The following WASHC3 variants were observed in gnomAD, a reference collection of about 807,000 sequenced individuals.
WASHC3 encodes WASH complex subunit CCDC53.
A neutral mutation model predicts 26.1 loss-of-function variants in WASHC3; 24 were observed. The ratio of observed to expected loss-of-function variants is 0.92; its 90% confidence interval spans 0.66 to 1.29. The LOEUF is 1.29. WASHC3 is among the 50% of genes most tolerant of loss of function. The pLI, the probability that WASHC3 is intolerant of heterozygous loss-of-function variation, is 0.00. For synonymous variants in WASHC3, 77 were observed against 75.7 expected, an observed-to-expected ratio of 1.02 and a Z score of -0.09; for missense variants, 214 against 229.6, an observed-to-expected ratio of 0.93 and a Z score of 0.44.
chr12:102,028,613 A>G (rs1176296277), intron 5 of WASHC3, among the ~76,000 whole-genome samples: 4 of 152,006 alleles, frequency 2.6e-5, no homozygotes, highest in African/African-American at 9.7e-5. Flanking sequence ...AAAATTTCCT[A>G]AAATATAGCA....
chr12:102,042,538 C>T lies in WASHC3; in HGVS notation c.324+1567G>A, dbSNP rs573051989. On this transcript the variant is annotated intron_variant, in intron 4 of 6. Transcript: ENST00000240079. ...AAATTCTAGCTCTTACGTTACTTTT[C>T]GACCTTCAGCAAGTTACTTAACCTC... Among the ~76,000 whole-genome samples the T allele has an allele frequency of 1.3e-4, 20 of 152,274 alleles. No individual in the cohort carries two copies. In the South Asian group the frequency reaches 2.7e-3, roughly 20 times the overall value.
chr12:102,032,370 T>C (rs116209750), intron 5 of WASHC3, among the ~76,000 whole-genome samples: 2,004 of 152,256 alleles, frequency 0.013, 33 homozygotes, highest in African/African-American at 0.045. Context: ...GCACAATTTA[T>C]TACTGGCAGA....
chr12:102,050,197 C>G, intron 2 of WASHC3: 1 of 390,034 alleles, frequency 2.6e-6, no homozygotes. Context: ...ACCTGTAGTT[C>G]CAGCTACTTG....
intron 5 of WASHC3, among the ~76,000 whole-genome samples, chr12:102,035,280 T>A (rs1358481330): frequency 6.6e-6 from 1 of 152,140 alleles, no homozygotes; most frequent in East Asian, 1.9e-4. Flanking sequence ...CATGCAACTA[T>A]TTGCGCCTAA....
intron 3 of WASHC3, 46 bp from the exon 4 acceptor site, chr12:102,044,258 T>G: frequency 1.1e-6 from 1 of 901,490 alleles, no homozygotes; most frequent in Non-Finnish European, 1.7e-6. Flanking sequence ...AGTACTTGCA[T>G]AAATAAACAC....
At chr12:102,047,031 T>C (rs1878195401) in intron 2 of WASHC3, among the ~76,000 whole-genome samples, 1 of 152,144 alleles carries the variant, frequency 6.6e-6, no homozygotes, top group African/African-American at 2.4e-5. Context: ...ATAAACCAGA[T>C]AGAAGAGCTT....
intron 2 of WASHC3, among the ~76,000 whole-genome samples, chr12:102,047,244 T>A (rs1012182291): frequency 3.3e-5 from 5 of 152,186 alleles, no homozygotes; most frequent in African/African-American, 9.7e-5. Context: ...CACAGCATCC[T>A]GATTGTATTC....
intron 2 of WASHC3, chr12:102,050,180 G>A: frequency 2.8e-6 from 1 of 359,110 alleles, no homozygotes; most frequent in Non-Finnish European, 5.5e-6. Flanking sequence ...CAGGTGTGGT[G>A]GCACGCACCT....
intron 2 of WASHC3, among the ~76,000 whole-genome samples, chr12:102,047,480 C>G (rs1006038492): frequency 1.3e-5 from 2 of 152,094 alleles, no homozygotes; most frequent in Admixed American, 1.3e-4. Flanking sequence ...TAAGTTTACC[C>G]TTGACTTCTA....
At chr12:102,027,420 T>C (rs1456864737) in intron 5 of WASHC3, among the ~76,000 whole-genome samples, 1 of 152,204 alleles carries the variant, frequency 6.6e-6, no homozygotes, top group African/African-American at 2.4e-5. Flanking sequence ...GGCATGCATA[T>C]GTACAAACGT....
chr12:102,024,241 A>G (rs1250036110), intron 6 of WASHC3, among the ~76,000 whole-genome samples: 1 of 152,202 alleles, frequency 6.6e-6, no homozygotes, highest in East Asian at 1.9e-4. Flanking sequence ...AAGATGTTAG[A>G]CTACACGTTG....
chr12:102,033,668 G>T (rs944671030), intron 5 of WASHC3, among the ~76,000 whole-genome samples: 3 of 151,570 alleles, frequency 2.0e-5, no homozygotes, highest in Non-Finnish European at 2.9e-5. Flanking sequence ...TTATTCTTAA[G>T]ATCTTAGGAT....
Position 102,044,143 on chromosome 12 carries a change from T to C in WASHC3, c.286A>G (p.Asn96Asp). The change falls in exon 4 of 7, where the codon AAT (asparagine) becomes GAT (aspartate). Residue 96 changes from asparagine to aspartate, a missense_variant. Transcript: ENST00000240079. ...GAAGTGGCTTCAGGATGTGCTCCATTTGTGACACTGGTGACATTTAAAGGA... is the reference window on the plus strand; with the variant it reads ...GAAGTGGCTTCAGGATGTGCTCCATCTGTGACACTGGTGACATTTAAAGGA... ...VSPLNVTSVT[N>D]GAHPEATSEQ... is the part of the protein sequence containing the mutation. 6.2e-7 allele frequency: 1 copy of C among 1,609,984 alleles called. No homozygotes were observed. Among genetic ancestry groups the C allele is most frequent in the Non-Finnish European group, 8.5e-7 (1 of 1,177,770 alleles).
chr12:102,037,002 G>C (rs1045036123), intron 5 of WASHC3, among the ~76,000 whole-genome samples: 1 of 152,142 alleles, frequency 6.6e-6, no homozygotes, highest in African/African-American at 2.4e-5. Flanking sequence ...TTAAGATATA[G>C]TTTAAAAATA....
intron 5 of WASHC3, among the ~76,000 whole-genome samples, chr12:102,027,385 C>T (rs1480844124): frequency 1.3e-5 from 2 of 152,038 alleles, no homozygotes; most frequent in Admixed American, 1.3e-4. Context: ...TTTGTATTTC[C>T]CAGTAAAATC....
At chr12:102,048,650 A>T (rs35872193) in intron 2 of WASHC3, among the ~76,000 whole-genome samples, 29,405 of 127,100 alleles carry the variant, frequency 0.23, 2,941 homozygotes, top group African/African-American at 0.28. Context: ...TTTTTTTTTT[A>T]AATCACATCA....
intron 6 of WASHC3, among the ~76,000 whole-genome samples, chr12:102,018,752 G>C (rs941625733): frequency 2.6e-5 from 4 of 152,098 alleles, no homozygotes; most frequent in African/African-American, 9.7e-5. Flanking sequence ...TTACAGGCAC[G>C]AGCCACTGCA....
At chr12:102,036,394 G>T (rs1594359442) in intron 5 of WASHC3, among the ~76,000 whole-genome samples, 1 of 150,616 alleles carries the variant, frequency 6.6e-6, no homozygotes, top group East Asian at 1.9e-4. Flanking sequence ...TCCAATTCAG[G>T]ACAGGGAGCA....
chr12:102,030,332 T>G (rs912269349), intron 5 of WASHC3, among the ~76,000 whole-genome samples: 1 of 150,432 alleles, frequency 6.6e-6, no homozygotes, highest in Non-Finnish European at 1.5e-5. Context: ...TTTTATGAAA[T>G]AAATTAGTAG....
Sources: allele counts gnomAD v4.1 joint callset (sites outside exome capture counted in the v4.1 genomes callset), GRCh38; gene constraint gnomAD v4.1.1; transcripts MANE v1.5; gene names NCBI Gene and HGNC (gene_info 2026-07-23, HGNC 2026-07-21).